TMEM132D: variants seen among roughly 807,000 people sequenced by gnomAD.
The protein encoded by TMEM132D is mature OL transmembrane protein.
A neutral mutation model predicts 62.3 loss-of-function variants in TMEM132D; 21 were observed. The ratio of observed to expected loss-of-function variants is 0.34; its 90% CI spans 0.24 to 0.49. The LOEUF is 0.49. TMEM132D is among the 20% of genes least tolerant of loss of function. The pLI, the probability that TMEM132D is intolerant of heterozygous loss-of-function variation, is 0.99. For synonymous variants in TMEM132D, 621 were observed against 575.6 expected, an observed-to-expected ratio of 1.08 and a Z score of -1.13; for missense variants, 1,346 against 1,402.8, an observed-to-expected ratio of 0.96 and a Z score of 0.65.
intron 4 of TMEM132D, among the ~76,000 whole-genome samples, chr12:129,244,334 C>A (rs557683262): frequency 8.8e-5 from 13 of 147,276 alleles, no homozygotes; most frequent in Admixed American, 8.4e-4. Context: ...TGCAGTGAGC[C>A]GAGATCGCGC....
intron 4 of TMEM132D, among the ~76,000 whole-genome samples, chr12:129,235,456 C>T (rs1879755032): frequency 1.3e-5 from 2 of 150,806 alleles, no homozygotes; most frequent in Non-Finnish European, 2.9e-5. Context: ...TATGTGTAAT[C>T]AAATATTATA....
intron 2 of TMEM132D, among the ~76,000 whole-genome samples, chr12:129,594,880 A>C (rs1878291856): frequency 6.6e-6 from 1 of 152,190 alleles, no homozygotes; most frequent in Non-Finnish European, 1.5e-5. Flanking sequence ...AGTTTGTGGA[A>C]ATACCACTTC....
At chr12:129,795,744 T>C (rs543228547) in intron 1 of TMEM132D, among the ~76,000 whole-genome samples, 1 of 152,328 alleles carries the variant, frequency 6.6e-6, no homozygotes, top group East Asian at 1.9e-4. Context: ...AGAGGTCTCC[T>C]TTACTAACAC....
chr12:129,262,094 C>T (rs1880564305), intron 4 of TMEM132D, among the ~76,000 whole-genome samples: 1 of 152,084 alleles, frequency 6.6e-6, no homozygotes, highest in South Asian at 2.1e-4. Context: ...AATTTGCATC[C>T]AGAGCCTGCC....
chr12:129,203,472 G>T (rs1365342467), intron 5 of TMEM132D, among the ~76,000 whole-genome samples: 1 of 152,222 alleles, frequency 6.6e-6, no homozygotes, highest in Non-Finnish European at 1.5e-5. Flanking sequence ...TCAGCCAGTG[G>T]GTGCAGCCTC....
At chr12:129,722,803 G>A (rs1390849726) in intron 1 of TMEM132D, among the ~76,000 whole-genome samples, 1 of 147,598 alleles carries the variant, frequency 6.8e-6, no homozygotes, top group Non-Finnish European at 1.5e-5. Flanking sequence ...GCAGTGGTGT[G>A]ATCTCAGTTC....
intron 2 of TMEM132D, among the ~76,000 whole-genome samples, chr12:129,670,339 T>G (rs575026465): frequency 6.6e-6 from 1 of 152,292 alleles, no homozygotes; most frequent in Non-Finnish European, 1.5e-5. Context: ...GAAATTATGG[T>G]TTGGGAGTTA....
intron 4 of TMEM132D, among the ~76,000 whole-genome samples, chr12:129,292,222 T>G (rs1488018144): frequency 1.3e-5 from 2 of 152,242 alleles, no homozygotes; most frequent in African/African-American, 4.8e-5. Flanking sequence ...TCTTCCTTTT[T>G]GTTACACTGA....
chr12:129,903,419 C>G lies in TMEM132D; in HGVS notation c.-80G>C. The stretch of plus-strand genomic sequence containing the variant: ...GAGACCGTCTCAGTCCCCTAGAGGC[C>G]CGCAGCGGGGCCGGTGGCGAGGGAG... On this transcript the variant is annotated 5_prime_UTR_variant, in exon 1 of 9. Coordinates refer to ENST00000422113, the MANE Select transcript of TMEM132D (RefSeq NM_133448.3). This position sits in a 1 kb window ranked among gnomAD's most constrained non-coding sequence, Gnocchi z 6.2. The G allele has an allele frequency of 6.9e-7, 1 of 1,453,602 alleles. No homozygotes were observed. The highest frequency in any genetic ancestry group is 2.5e-5 in the East Asian group (1 of 40,072). 90.0% of individuals were successfully genotyped at this position (1,453,602 alleles called of 1,614,324 possible). A position where few individuals can be genotyped will look rare whatever the true frequency, so the allele number is the denominator to read the frequency against.
chr12:129,198,130 T>C (rs1878598888), intron 5 of TMEM132D, among the ~76,000 whole-genome samples: 1 of 152,152 alleles, frequency 6.6e-6, no homozygotes, highest in African/African-American at 2.4e-5. Flanking sequence ...TTAAGAATTG[T>C]TAAAATTATA....
intron 2 of TMEM132D, among the ~76,000 whole-genome samples, chr12:129,535,777 CGTGTGT>C (rs779067793): frequency 6.7e-5 from 5 of 74,698 alleles, no homozygotes; most frequent in South Asian, 4.3e-4. Context: ...GATTTGTGTG[CGTGTGT>C]GTGTGTGTGT....
Position 129,238,893 on chromosome 12 carries a change from T to C in TMEM132D, c.1300-29230A>G, listed in dbSNP as rs569487061. Among the ~76,000 whole-genome samples the C allele has an allele frequency of 4.6e-5, 7 of 152,328 alleles. No homozygotes were observed. In the South Asian group the frequency reaches 1.4e-3, roughly 32 times the overall value. ...GGTTATTCTATGTTCAATTGAGGAA[T>C]TGTCATACTGTTTTCCACAAAAGCA... is the stretch of plus-strand genomic sequence containing the variant. On this transcript the variant is annotated intron_variant, in intron 4 of 8. Coordinates refer to ENST00000422113, the MANE Select transcript of TMEM132D (RefSeq NM_133448.3).
At position 129,437,965 on chromosome 12, in the gene TMEM132D, C is replaced by T. The variant is rs150617974; in HGVS notation, c.1115+93094G>A. Among the ~76,000 whole-genome samples, 631 of 151,032 alleles carry T rather than the reference C, an allele frequency of 4.2e-3. 10 individuals carry two copies. Among genetic ancestry groups the T allele is most frequent in the African/African-American group, 0.015 (602 of 41,002 alleles). ...CCATGTGTTCTCACTGTCCAACTCC[C>T]ACTTACGAGCAAGAATATGCAGTGT... On this transcript the variant is annotated intron_variant, in intron 3 of 8. Transcript: ENST00000422113.
chr12:129,494,559 T>C (rs1874891735), intron 3 of TMEM132D, among the ~76,000 whole-genome samples: 8 of 152,218 alleles, frequency 5.3e-5, no homozygotes, highest in Admixed American at 5.2e-4. Context: ...TACAAAGCAG[T>C]GTAAATCGGC....
chr12:129,757,310 T>A (rs1446343421), intron 1 of TMEM132D, among the ~76,000 whole-genome samples: 1 of 152,154 alleles, frequency 6.6e-6, no homozygotes, highest in Non-Finnish European at 1.5e-5. Context: ...GAATAACCCA[T>A]TATGAGATGT....
intron 3 of TMEM132D, among the ~76,000 whole-genome samples, chr12:129,350,025 T>A (rs1453026108): frequency 6.6e-6 from 1 of 152,198 alleles, no homozygotes; most frequent in African/African-American, 2.4e-5. Flanking sequence ...ACATCAGAAA[T>A]CTGGCTGTCT....
intron 1 of TMEM132D, among the ~76,000 whole-genome samples, chr12:129,806,966 G>A (rs1197867860): frequency 1.3e-5 from 2 of 152,112 alleles, no homozygotes; most frequent in East Asian, 1.9e-4. Context: ...CCTGGGAGGT[G>A]GGGGTTGCAG....
intron 2 of TMEM132D, among the ~76,000 whole-genome samples, chr12:129,536,870 T>C (rs1876404552): frequency 6.6e-6 from 1 of 152,118 alleles, no homozygotes; most frequent in Non-Finnish European, 1.5e-5. Flanking sequence ...AATATTTTCA[T>C]ATGCGGCCGG....
intron 2 of TMEM132D, among the ~76,000 whole-genome samples, chr12:129,697,436 A>G (rs1881234320): frequency 6.6e-6 from 1 of 152,220 alleles, no homozygotes; most frequent in African/African-American, 2.4e-5. Flanking sequence ...TGTTTACATA[A>G]ACACATGAGA....
Sources: gnomAD v4.1 joint callset for allele counts (sites outside exome capture counted in the v4.1 genomes callset) on GRCh38, gnomAD v4.1.1 for gene constraint, Gnocchi (gnomAD v3.1) non-coding constraint, MANE v1.5 for transcripts, NCBI Gene and HGNC (gene_info 2026-07-23, HGNC 2026-07-21) for gene names.